Variants in EML2 observed in about 807,000 individuals in gnomAD.
EML2 encodes echinoderm microtubule-associated protein-like 2.
A neutral mutation model predicts 84.7 loss-of-function variants in EML2; 59 were observed. The ratio of observed to expected loss-of-function variants is 0.70; its 90% CI spans 0.56 to 0.86. The LOEUF is 0.86. Ranked by LOEUF, EML2 falls within the 40% of genes least tolerant of loss-of-function variation. The pLI is 0.00. For synonymous variants in EML2, 352 were observed against 348.9 expected, an observed-to-expected ratio of 1.01 and a Z score of -0.10; for missense variants, 818 against 855.6, an observed-to-expected ratio of 0.96 and a Z score of 0.55.
Position 45,621,235 on chromosome 19 carries a change from A to T in EML2, c.1094T>A (p.Val365Glu). Residue 365 changes from valine (V) to glutamate (E), a missense_variant, in exon 11 of 19, where the codon GTG (valine) becomes GAG (glutamate). Physicochemically the swap from Val to Glu is moderately radical, Grantham distance 121. Coordinates refer to ENST00000245925, the MANE Select transcript of EML2 (RefSeq NM_012155.4). ...TTRNSILQGS[V>E]HTGFSLLVQG... ...GACCAGCAGTGAGAAGCCTGTGTGCACGGAGCCCTGCAGGATGGAATTGCG... is the reference window on the plus strand; with the variant it reads ...GACCAGCAGTGAGAAGCCTGTGTGCTCGGAGCCCTGCAGGATGGAATTGCG... 6.2e-7 allele frequency: 1 copy of T among 1,613,988 alleles called. No homozygotes were observed. The highest frequency in any genetic ancestry group is 8.5e-7 in the Non-Finnish European group (1 of 1,180,010).
intron 3 of EML2, among the ~76,000 whole-genome samples, chr19:45,634,801 T>G (rs1324187700): frequency 1.3e-5 from 2 of 151,890 alleles, no homozygotes; most frequent in Non-Finnish European, 2.9e-5. Context: ...GACCTTGTGA[T>G]CCACCCGCCT....
chr19:45,614,908 G>A (rs1026637938), intron 16 of EML2: 8 of 492,804 alleles, frequency 1.6e-5, no homozygotes, highest in Non-Finnish European at 2.2e-5. Context: ...TTTTAAACCC[G>A]CATCTGGCCG....
chr19:45,631,069 A>C (rs1568470806), intron 6 of EML2, among the ~76,000 whole-genome samples: 1 of 151,838 alleles, frequency 6.6e-6, no homozygotes, highest in Non-Finnish European at 1.5e-5. Flanking sequence ...CTGGTCTTGA[A>C]CTCCTAACCT....
intron 3 of EML2, among the ~76,000 whole-genome samples, chr19:45,637,667 C>CTTTTTTTTTTTTT (rs58180181): frequency 2.2e-4 from 11 of 48,918 alleles, no homozygotes; most frequent in Non-Finnish European, 3.6e-4. Flanking sequence ...TTTTTCTTTT[C>CTTTTTTTTTTTTT]TTTTTTTTTT....
upstream of EML2, chr19:45,645,132 G>T: frequency 2.0e-6 from 2 of 987,474 alleles, no homozygotes; most frequent in Non-Finnish European, 2.9e-6. Flanking sequence ...CTTGCTCTTG[G>T]GTCAGGGTCC....
Position 45,620,600 on chromosome 19 carries a change from T to G in EML2, c.1122+607A>C, listed in dbSNP as rs751504386. Among the ~76,000 whole-genome samples the G allele has an allele frequency of 1.5e-4, 22 of 150,780 alleles. No individual in the cohort carries two copies. In the Middle Eastern group the frequency reaches 0.017, roughly 117 times the overall value. On this transcript the variant is annotated intron_variant, in intron 11 of 18. Transcript: ENST00000245925. ...GGTACATGCCTATAATTCCAGCTAC[T>G]CGGGAGGCTGAGGCAGGAGAATCAC... is the stretch of plus-strand genomic sequence containing the variant.
At chr19:45,621,700 C>T in intron 9 of EML2, 63 bp from the exon 10 acceptor site, 1 of 1,519,256 alleles carries the variant, frequency 6.6e-7, no homozygotes, top group Non-Finnish European at 8.9e-7. Context: ...CCCCTGAAAG[C>T]ATCTTGAACT....
intron 18 of EML2, 83 bp from the exon 19 acceptor site, chr19:45,609,871 C>T: frequency 7.0e-7 from 1 of 1,424,390 alleles, no homozygotes; most frequent in Non-Finnish European, 9.4e-7. Flanking sequence ...TGACCCGGTT[C>T]TTTTCTGCTC....
upstream of EML2, among the ~76,000 whole-genome samples, chr19:45,644,071 C>T (rs1302817262): frequency 6.6e-6 from 1 of 152,204 alleles, no homozygotes; most frequent in Non-Finnish European, 1.5e-5. Flanking sequence ...AATTATACGA[C>T]CAGAAAAATG....
chr19:45,626,955 CTTTTCTTTTT>C, intron 7 of EML2, 116 bp from the exon 8 acceptor site: 1 of 769,980 alleles, frequency 1.3e-6, no homozygotes, highest in East Asian at 3.5e-5. Flanking sequence ...CACACCTGAA[CTTTTCTTTTT>C]TTTTTTTTTT....
chr19:45,645,273 C>G (rs1974944852), upstream of EML2: 1 of 1,533,418 alleles, frequency 6.5e-7, no homozygotes, highest in South Asian at 1.2e-5. Flanking sequence ...GGGGTCTCAC[C>G]GTTGCAGTAT....
intron 11 of EML2, among the ~76,000 whole-genome samples, chr19:45,620,085 C>CTG (rs1182837504): frequency 6.6e-6 from 1 of 151,934 alleles, no homozygotes; most frequent in Admixed American, 6.6e-5. Flanking sequence ...AATGTGGTCA[C>CTG]AAAATGGAAA....
At position 45,617,817 on chromosome 19, in the gene EML2, C is replaced by T. The variant is rs532323210; in HGVS notation, c.1255-120G>A. 1.2e-5 allele frequency: 9 copies of T among 763,552 alleles called. No homozygotes were observed. In the East Asian group the frequency reaches 2.5e-4, roughly 21 times the overall value. The allele number at this position is 763,552 out of a possible 1,614,324, so 47.3% of individuals were successfully genotyped here. On this transcript the variant is annotated intron_variant, in intron 12 of 18. Coordinates refer to ENST00000245925, the MANE Select transcript of EML2 (RefSeq NM_012155.4). ...GAGGGCTCTCCCCTCCCTCTGCTGCCCTTTGGGACACCCCCACCCCAGACA... is the reference window on the plus strand; with the variant it reads ...GAGGGCTCTCCCCTCCCTCTGCTGCTCTTTGGGACACCCCCACCCCAGACA...
At chr19:45,630,215 T>C (rs1219232780) in intron 6 of EML2, among the ~76,000 whole-genome samples, 169 bp from the exon 7 acceptor site, 1 of 151,530 alleles carries the variant, frequency 6.6e-6, no homozygotes, top group Non-Finnish European at 1.5e-5. Flanking sequence ...GCATAGGCAA[T>C]ATAGGGAGAC....
At chr19:45,642,191 G>C, upstream of EML2, 3 of 1,532,444 alleles carry the variant, frequency 2.0e-6, no homozygotes, top group Non-Finnish European at 2.6e-6. Flanking sequence ...CCCCGCGCGC[G>C]TAGCGCCGCT....
At chr19:45,645,202 G>T, upstream of EML2, 1 of 1,464,366 alleles carries the variant, frequency 6.8e-7, no homozygotes, top group Non-Finnish European at 9.1e-7. Context: ...CTTGCAAGGA[G>T]GAGGCTGGGG....
At position 45,639,144 on chromosome 19, in the gene EML2, C is replaced by A. The variant is rs1974139904; in HGVS notation, c.20+213G>T. The A allele has an allele frequency of 1.1e-5, 7 of 662,780 alleles. No individual in the cohort carries two copies. In the South Asian group the frequency reaches 1.2e-4, roughly 11 times the overall value. The allele number at this position is 662,780 out of a possible 1,614,324, so 41.1% of individuals were successfully genotyped here. On this transcript the variant is annotated intron_variant, in intron 1 of 18. Transcript: ENST00000245925. ...CCTGGAAGAAGGGAGTCACCAAGGA[C>A]CCTTCCCTCCTAATCAGCAAGGTGC...
chr19:45,621,093 G>A (rs1423693762), intron 11 of EML2, 114 bp downstream of exon 11: 1 of 1,447,098 alleles, frequency 6.9e-7, no homozygotes, highest in Admixed American at 2.0e-5. Context: ...GGTCAGAGAA[G>A]GGACAGAGCA....
At chr19:45,616,163 T>G (rs1299639384) in intron 15 of EML2, 6 of 555,302 alleles carry the variant, frequency 1.1e-5, no homozygotes, top group Admixed American at 6.1e-5. Context: ...AGGAGCTGGC[T>G]TTGAATGTTG....
Sources: gnomAD v4.1 joint callset for allele counts (sites outside exome capture counted in the v4.1 genomes callset) on GRCh38, gnomAD v4.1.1 for gene constraint, MANE v1.5 for transcripts, NCBI Gene and HGNC (gene_info 2026-07-23, HGNC 2026-07-21) for gene names.